CFAP263: variants seen among roughly 807,000 people sequenced by gnomAD.
CFAP263 encodes cilia and flagella associated protein 263.
the CFAP263 span, among the ~76,000 whole-genome samples, chr16:58,251,584 G>C: frequency 6.6e-6 from 1 of 152,072 alleles, no homozygotes; most frequent in African/African-American, 2.4e-5. Context: ...TAGAGATGGG[G>C]TTTCACAATG....
At chr16:58,262,130 C>A in the CFAP263 span, among the ~76,000 whole-genome samples, 1 of 151,980 alleles carries the variant, frequency 6.6e-6, no homozygotes, top group African/African-American at 2.4e-5. Context: ...CGCACTGCAC[C>A]ACACTGTTGA....
At chr16:58,279,629 A>G in the CFAP263 span, 2 of 1,373,766 alleles carry the variant, frequency 1.5e-6, no homozygotes, top group Non-Finnish European at 2.0e-6. Context: ...GTTTTCCCCA[A>G]GTGACTTTCT....
At chr16:58,265,590 C>T in the CFAP263 span, among the ~76,000 whole-genome samples, 9 of 96,462 alleles carry the variant, frequency 9.3e-5, no homozygotes, top group Non-Finnish European at 1.1e-4. Flanking sequence ...ACAAGAACCA[C>T]AGCTCTGGGC....
At chr16:58,280,318 TC>T in the CFAP263 span, 1 of 1,613,766 alleles carries the variant, frequency 6.2e-7, no homozygotes, top group Non-Finnish European at 8.5e-7. Flanking sequence ...AATCCTACCT[TC>T]CCCCACCTCC....
the CFAP263 span, among the ~76,000 whole-genome samples, chr16:58,267,310 C>A: frequency 3.9e-5 from 6 of 152,166 alleles, no homozygotes; most frequent in African/African-American, 7.2e-5. Flanking sequence ...TCTCCTCCCC[C>A]ACCAGTTCTC....
At chr16:58,276,467 C>T in the CFAP263 span, among the ~76,000 whole-genome samples, 1 of 152,154 alleles carries the variant, frequency 6.6e-6, no homozygotes, top group African/African-American at 2.4e-5. Flanking sequence ...ATAATTCTTT[C>T]TTGTAGGGGG....
At chr16:58,267,968 T>C in the CFAP263 span, among the ~76,000 whole-genome samples, 1 of 147,408 alleles carries the variant, frequency 6.8e-6, no homozygotes, top group Admixed American at 6.8e-5. Context: ...TATGCCAAAA[T>C]AGAATGTTTG....
chr16:58,252,655 A>G, the CFAP263 span: 8 of 1,376,404 alleles, frequency 5.8e-6, no homozygotes, highest in African/African-American at 1.4e-5. Flanking sequence ...CAGGTCTACT[A>G]GTTATTAAAC....
At chr16:58,265,032 A>T in the CFAP263 span, among the ~76,000 whole-genome samples, 1 of 152,168 alleles carries the variant, frequency 6.6e-6, no homozygotes, top group South Asian at 2.1e-4. Context: ...TTATGCCCTC[A>T]AGCCCTGCCT....
At chr16:58,269,429 A>G in the CFAP263 span, among the ~76,000 whole-genome samples, 1 of 151,384 alleles carries the variant, frequency 6.6e-6, no homozygotes, top group Non-Finnish European at 1.5e-5. Context: ...GGAGGAAAGA[A>G]AGGAAAGAAA....
chr16:58,266,267 C>G, the CFAP263 span, among the ~76,000 whole-genome samples: 1 of 151,288 alleles, frequency 6.6e-6, no homozygotes, highest in Non-Finnish European at 1.5e-5. Flanking sequence ...TACCCACTCT[C>G]CCAGCTCCTA....
the CFAP263 span, chr16:58,259,827 G>C: frequency 9.5e-6 from 13 of 1,371,498 alleles, no homozygotes; most frequent in Non-Finnish European, 1.3e-5. Flanking sequence ...TGGATTAAAT[G>C]CATTAAAATA....
chr16:58,250,920 ATTTTG>A, the CFAP263 span, among the ~76,000 whole-genome samples: 1 of 152,194 alleles, frequency 6.6e-6, no homozygotes, highest in South Asian at 2.1e-4. Context: ...GTCTGCGTTT[ATTTTG>A]TTTTATTTTA....
the CFAP263 span, among the ~76,000 whole-genome samples, chr16:58,268,031 AAG>A: frequency 1.8e-5 from 2 of 113,564 alleles, no homozygotes; most frequent in Non-Finnish European, 3.6e-5. Context: ...AGAGAGAAGA[AAG>A]AGAGAGAGGA....
At chr16:58,250,080 T>C in the CFAP263 span, 2 of 1,595,422 alleles carry the variant, frequency 1.3e-6, no homozygotes, top group Non-Finnish European at 1.7e-6. Flanking sequence ...TGGAGCTGCC[T>C]GTTATCCAGC....
At chr16:58,262,283 A>C in the CFAP263 span, 1 of 1,088,438 alleles carries the variant, frequency 9.2e-7, no homozygotes, top group Non-Finnish European at 1.3e-6. Context: ...TGACTGAATG[A>C]TGACTGACCT....
chr16:58,253,821 TG>T, the CFAP263 span, among the ~76,000 whole-genome samples: 1 of 152,220 alleles, frequency 6.6e-6, no homozygotes, highest in African/African-American at 2.4e-5. Context: ...TAGGATGACT[TG>T]AGAAATAAAT....
the CFAP263 span, among the ~76,000 whole-genome samples, chr16:58,253,528 C>G: frequency 2.6e-5 from 4 of 152,116 alleles, no homozygotes; most frequent in South Asian, 2.1e-4. Context: ...CTTTGAGGGC[C>G]AAGCAAACCC....
the CFAP263 span, among the ~76,000 whole-genome samples, chr16:58,274,812 A>C: frequency 6.6e-6 from 1 of 152,140 alleles, no homozygotes; most frequent in African/African-American, 2.4e-5. Flanking sequence ...CCCTGGGCAA[A>C]ACTTCTGCAC....
Sources: allele counts gnomAD v4.1 joint callset (sites outside exome capture counted in the v4.1 genomes callset), GRCh38; gene constraint gnomAD v4.1.1; transcripts MANE v1.5; gene names NCBI Gene and HGNC (gene_info 2026-07-23, HGNC 2026-07-21).